SPIN1: variants seen among roughly 807,000 people sequenced by gnomAD.
The protein encoded by SPIN1 is spindlin 1, also known as spindlin-1.
SPIN1 carries 3 observed loss-of-function variants against 26.0 expected under a neutral mutation model. The observed-to-expected ratio is 0.12, with a 90% confidence interval of 0.05 to 0.30. The LOEUF is 0.30. Ranked by LOEUF, SPIN1 falls within the 10% of genes least tolerant of loss-of-function variation. The probability of loss-of-function intolerance (pLI) is 1.00; values close to 1 mark genes in which losing one functional copy is unlikely to be tolerated. For synonymous variants in SPIN1, 101 were observed against 116.5 expected (o/e 0.87, Z 0.86); for missense variants, 126 against 333.4 (o/e 0.38, Z 4.84).
At chr9:88,406,984 A>G (rs763075989) in intron 1 of SPIN1, among the ~76,000 whole-genome samples, 9 of 151,994 alleles carry the variant, frequency 5.9e-5, no homozygotes, top group Non-Finnish European at 1.0e-4. Context: ...TTTACCCACA[A>G]AATTTATCCT....
At chr9:88,449,431 T>G (rs1828315797) in intron 3 of SPIN1, among the ~76,000 whole-genome samples, 1 of 152,140 alleles carries the variant, frequency 6.6e-6, no homozygotes, top group African/African-American at 2.4e-5. Context: ...GCTCACTGTT[T>G]TATAGCATTT....
At chr9:88,390,822 C>CT (rs1826904506) in intron 1 of SPIN1, among the ~76,000 whole-genome samples, 1 of 152,172 alleles carries the variant, frequency 6.6e-6, no homozygotes, top group African/African-American at 2.4e-5. Flanking sequence ...AGCCACATAA[C>CT]TGATTCATCA....
rs1828926596 is a variant in SPIN1 at position 88,478,562 on chromosome 9, G to A, written c.*3285G>A. 2 of 152,400 alleles carry A rather than the reference G, an allele frequency of 1.3e-5. No homozygotes were observed. Among genetic ancestry groups the A allele is most frequent in the Non-Finnish European group, 1.5e-5 (1 of 68,026 alleles). The allele number at this position is 152,400 out of a possible 1,614,324, so 9.4% of individuals were successfully genotyped here. The stretch of plus-strand genomic sequence containing the variant: ...ATTTTAATTTTATTTTATACAATGT[G>A]TAGACAGTTCCCTGTTCTCTGCATT... On this transcript the variant is annotated 3_prime_UTR_variant, in exon 6 of 6. Transcript: ENST00000375859.
intron 1 of SPIN1, among the ~76,000 whole-genome samples, chr9:88,399,141 C>T (rs1411082525): frequency 6.6e-6 from 1 of 151,474 alleles, no homozygotes; most frequent in Non-Finnish European, 1.5e-5. Context: ...AAGCGATTCT[C>T]CTGCCTCAGC....
chr9:88,405,610 C>T (rs1371329158), intron 1 of SPIN1, among the ~76,000 whole-genome samples: 4 of 148,346 alleles, frequency 2.7e-5, no homozygotes, highest in Non-Finnish European at 5.9e-5. Flanking sequence ...GTGGCGCGAC[C>T]TCATCTCACT....
chr9:88,403,686 C>T (rs1344807861), intron 1 of SPIN1, among the ~76,000 whole-genome samples: 5 of 152,098 alleles, frequency 3.3e-5, no homozygotes, highest in Non-Finnish European at 7.4e-5. Context: ...TGCACTTAGC[C>T]TGGGTGACAG....
At chr9:88,394,395 A>G (rs182076540) in intron 1 of SPIN1, among the ~76,000 whole-genome samples, 55 of 152,298 alleles carry the variant, frequency 3.6e-4, no homozygotes, top group Middle Eastern at 3.4e-3. Context: ...TGGGTGTTAT[A>G]TGTTCTTACT....
At chr9:88,401,656 CCAT>C (rs1827189827) in intron 1 of SPIN1, among the ~76,000 whole-genome samples, 1 of 152,158 alleles carries the variant, frequency 6.6e-6, no homozygotes, top group Non-Finnish European at 1.5e-5. Context: ...ACAGATGAAA[CCAT>C]CATTTCCCAA....
chr9:88,419,738 C>G (rs1827636847), intron 1 of SPIN1, among the ~76,000 whole-genome samples: 1 of 152,106 alleles, frequency 6.6e-6, no homozygotes, highest in Non-Finnish European at 1.5e-5. Context: ...TTGCCATGTT[C>G]ATGTTGAATG....
At chr9:88,439,564 A>C (rs1012313282) in intron 2 of SPIN1, among the ~76,000 whole-genome samples, 2 of 152,202 alleles carry the variant, frequency 1.3e-5, no homozygotes, top group Admixed American at 6.5e-5. Context: ...TTCTGGTCCC[A>C]AGCATTTTGA....
Position 88,475,367 on chromosome 9 carries a change from G to A in SPIN1, c.*90G>A. The A allele has an allele frequency of 7.4e-7, 1 of 1,354,458 alleles. No individual in the cohort carries two copies. The highest frequency in any genetic ancestry group is 1.0e-6 in the Non-Finnish European group (1 of 977,544). 83.9% of individuals were successfully genotyped at this position (1,354,458 alleles called of 1,614,324 possible). ...TTGATTGCTTTCCAGTTTAATGAAA[G>A]CTTAAATGTCCCTGCGAACCCACAA... On this transcript the variant is annotated 3_prime_UTR_variant, in exon 6 of 6. Transcript: ENST00000375859.
At chr9:88,408,376 C>CTTT (rs1177261349) in intron 1 of SPIN1, among the ~76,000 whole-genome samples, 10 of 115,430 alleles carry the variant, frequency 8.7e-5, no homozygotes, top group East Asian at 2.4e-4. Context: ...TCCTTTTTTT[C>CTTT]TTTTTTTTTT....
chr9:88,472,364 A>G (rs893180429), intron 5 of SPIN1, among the ~76,000 whole-genome samples: 2 of 152,146 alleles, frequency 1.3e-5, no homozygotes, highest in Admixed American at 1.3e-4. Flanking sequence ...CCTCCCGGGT[A>G]GCTGGGGTTA....
At chr9:88,423,207 A>G (rs1460194119) in intron 1 of SPIN1, among the ~76,000 whole-genome samples, 2 of 152,368 alleles carry the variant, frequency 1.3e-5, no homozygotes, top group South Asian at 2.1e-4. Context: ...AGGAGGGTAC[A>G]TACTTCAGAA....
chr9:88,454,119 C>T (rs948720401), intron 3 of SPIN1, among the ~76,000 whole-genome samples: 11 of 152,148 alleles, frequency 7.2e-5, no homozygotes, highest in African/African-American at 2.7e-4. Flanking sequence ...TCAAGATGTC[C>T]TAGGTTGAAT....
At chr9:88,445,518 T>TTTA (rs138265190) in intron 2 of SPIN1, among the ~76,000 whole-genome samples, 33,365 of 134,260 alleles carry the variant, frequency 0.25, 4,165 homozygotes, top group East Asian at 0.36. Flanking sequence ...TATTGAGACT[T>TTTA]TTATTATTAT....
chr9:88,465,810 T>C (rs944567619), intron 4 of SPIN1, among the ~76,000 whole-genome samples: 7 of 152,218 alleles, frequency 4.6e-5, no homozygotes, highest in African/African-American at 1.7e-4. Flanking sequence ...TCTAGAATTA[T>C]CTGAAAGACG....
intron 5 of SPIN1, among the ~76,000 whole-genome samples, chr9:88,473,540 C>T (rs185849118): frequency 1.1e-4 from 17 of 152,304 alleles, no homozygotes; most frequent in Admixed American, 5.9e-4. Context: ...ATAAATAGAG[C>T]AAGTCCTGTT....
At chr9:88,450,173 T>C (rs1828329011) in intron 3 of SPIN1, among the ~76,000 whole-genome samples, 1 of 152,230 alleles carries the variant, frequency 6.6e-6, no homozygotes, top group South Asian at 2.1e-4. Context: ...ATGTTTCTGC[T>C]CATTATCATG....
Sources: allele counts gnomAD v4.1 joint callset (sites outside exome capture counted in the v4.1 genomes callset), GRCh38; gene constraint gnomAD v4.1.1; transcripts MANE v1.5; gene names NCBI Gene and HGNC (gene_info 2026-07-23, HGNC 2026-07-21).